Variants in HSD17B13 observed in about 807,000 individuals in gnomAD.
The protein encoded by HSD17B13 is hydroxysteroid 17-beta dehydrogenase 13.
In HSD17B13, 26 loss-of-function variants were observed where a neutral mutation model predicts 31.1. The observed-to-expected ratio is 0.84, with a 90% CI of 0.61 to 1.16. HSD17B13 has a LOEUF of 1.16. Among genes scored for constraint, HSD17B13 ranks in the 50% most tolerant of loss-of-function variants. The pLI is 0.00. For missense variants in HSD17B13, 374 were observed against 366.5 expected (o/e 1.02, Z -0.17); for synonymous variants, 141 against 133.7 (o/e 1.05, Z -0.38).
rs1553956168 is a variant in HSD17B13 at position 87,314,641 on chromosome 4, TCACACACACA to T, written c.558-691_558-682del. On this transcript the variant is annotated intron_variant, in intron 4 of 6. Transcript: ENST00000328546. Reference sequence around the variant, plus strand: ...GTCGTTTTCTCTCTCTCTCTCTCTCTCACACACACACACACACACACACACACACTTTCAT... The same window carrying T: ...GTCGTTTTCTCTCTCTCTCTCTCTCTCACACACACACACACACACTTTCAT... Among the ~76,000 whole-genome samples the T allele has an allele frequency of 1.2e-4, 17 of 142,254 alleles. No homozygotes were observed. In the East Asian group the frequency reaches 1.8e-3, roughly 15 times the overall value. 93.3% of individuals were successfully genotyped at this position (142,254 alleles called of 152,430 possible).
chr4:87,307,050 G>A (rs1328598645), intron 6 of HSD17B13, among the ~76,000 whole-genome samples: 1 of 151,958 alleles, frequency 6.6e-6, no homozygotes, highest in Non-Finnish European at 1.5e-5. Flanking sequence ...TTGTTTTGGG[G>A]GTAGGTGGGT....
intron 1 of HSD17B13, among the ~76,000 whole-genome samples, chr4:87,319,785 A>C (rs1234536562): frequency 2.0e-5 from 3 of 152,258 alleles, no homozygotes; most frequent in Admixed American, 2.0e-4. Flanking sequence ...CCATAACCAT[A>C]GGACATGGAG....
intron 1 of HSD17B13, among the ~76,000 whole-genome samples, chr4:87,318,779 CAGAGTG>C (rs1267691082): frequency 2.4e-5 from 3 of 125,018 alleles, no homozygotes; most frequent in Non-Finnish European, 4.8e-5. Context: ...GCCTGGGCAA[CAGAGTG>C]AGACTCTGTC....
At chr4:87,318,528 G>A (rs1015403609) in intron 1 of HSD17B13, 92 bp from the exon 2 acceptor site, 3 of 997,242 alleles carry the variant, frequency 3.0e-6, no homozygotes, top group Admixed American at 1.9e-5. Context: ...GGCTAGGCGC[G>A]GTGGCTCACG....
At chr4:87,314,056 T>G (rs991434382) in intron 4 of HSD17B13, 96 bp from the exon 5 acceptor site, 1 of 976,986 alleles carries the variant, frequency 1.0e-6, no homozygotes, top group African/African-American at 1.7e-5. Context: ...TAAGAACAAG[T>G]GGAAGCCAAA....
intron 3 of HSD17B13, among the ~76,000 whole-genome samples, chr4:87,316,773 A>C (rs1042294351): frequency 2.1e-4 from 32 of 152,208 alleles, no homozygotes; most frequent in African/African-American, 6.8e-4. Flanking sequence ...AAGTGACAGC[A>C]TTGAAAAGAT....
chr4:87,318,253 A>C (rs909065483), intron 2 of HSD17B13, 76 bp downstream of exon 2: 24 of 1,088,840 alleles, frequency 2.2e-5, no homozygotes, highest in Non-Finnish European at 3.4e-5. Flanking sequence ...GCAGTCATAA[A>C]GACCTTTCTC....
chr4:87,315,542 C>A lies in HSD17B13; in HGVS notation c.508G>T (p.Val170Leu), dbSNP rs1468932924. Residue 170 changes from valine (V) to leucine (L), a missense_variant, in exon 4 of 7, where the codon GTG becomes TTG. Transcript: ENST00000328546. ...CCTTCGTGGCCGCACACTGAAGCCA[C>A]TGTGACGATGTGGCCATGATTTCTC... ...MERNHGHIVT[V>L]ASVCGHEGIP... 2 of 1,612,112 alleles carry A rather than the reference C, an allele frequency of 1.2e-6. No homozygotes were observed. The highest frequency in any genetic ancestry group is 1.7e-6 in the Non-Finnish European group (2 of 1,178,500).
At chr4:87,313,984 G>A in intron 4 of HSD17B13, 24 bp from the exon 5 acceptor site, 2 of 1,508,926 alleles carry the variant, frequency 1.3e-6, no homozygotes, top group South Asian at 1.4e-5. Context: ...ATTAAGCATT[G>A]TTAGCTAAGG....
chr4:87,319,009 C>T (rs1436105252), intron 1 of HSD17B13, among the ~76,000 whole-genome samples: 1 of 151,792 alleles, frequency 6.6e-6, no homozygotes, highest in Non-Finnish European at 1.5e-5. Context: ...GGTGAAACCC[C>T]ATCTCTACTA....
At chr4:87,310,659 A>G (rs1465799061) in intron 5 of HSD17B13, among the ~76,000 whole-genome samples, 1 of 152,244 alleles carries the variant, frequency 6.6e-6, no homozygotes. Flanking sequence ...GACAAGAAAG[A>G]GGAATGGCTA....
intron 3 of HSD17B13, among the ~76,000 whole-genome samples, chr4:87,316,197 T>C (rs1362024925): frequency 6.6e-6 from 1 of 152,212 alleles, no homozygotes; most frequent in African/African-American, 2.4e-5. Context: ...ATAAATCCTA[T>C]GCAAATTCAT....
intron 5 of HSD17B13, among the ~76,000 whole-genome samples, chr4:87,311,503 G>T (rs1451112301): frequency 2.0e-5 from 3 of 152,046 alleles, no homozygotes; most frequent in African/African-American, 7.3e-5. Flanking sequence ...TTTAAGAGGG[G>T]CCCAAGGAGT....
rs748058364 is a variant in HSD17B13, at chr4:87,313,868, C to T, written c.650G>A (p.Cys217Tyr). Reference sequence around the variant, plus strand: ...GAACCCAGTATTCACAAAAACTGGGCAGAGACATGAGGTTTTGATACCAGT... The same window carrying T: ...GAACCCAGTATTCACAAAAACTGGGTAGAGACATGAGGTTTTGATACCAGT... ...GKTGIKTSCLCPVFVNTGFTK... is the reference protein window; with the variant it reads ...GKTGIKTSCLYPVFVNTGFTK... Residue 217 changes from cysteine to tyrosine, a missense_variant, in exon 5 of 7, where the codon TGC (cysteine) becomes TAC (tyrosine). Physicochemically the swap from Cys to Tyr is radical, Grantham distance 194 (BLOSUM62 -2). Transcript: ENST00000328546. 1 of 1,612,174 alleles carries T rather than the reference C, an allele frequency of 6.2e-7. No homozygotes were observed. The highest frequency in any genetic ancestry group is 8.5e-7 in the Non-Finnish European group (1 of 1,179,212).
intron 3 of HSD17B13, 87 bp downstream of exon 3, chr4:87,317,005 T>C (rs1213715032): frequency 2.2e-5 from 29 of 1,347,208 alleles, no homozygotes; most frequent in Non-Finnish European, 3.0e-5. Flanking sequence ...GCCAGTTTCC[T>C]GTCCAGAAGT....
At chr4:87,311,339 C>T (rs1022852487) in intron 5 of HSD17B13, among the ~76,000 whole-genome samples, 2 of 152,182 alleles carry the variant, frequency 1.3e-5, no homozygotes, top group Non-Finnish European at 2.9e-5. Flanking sequence ...TCCTAATAAA[C>T]TTGCTTTTGC....
In HSD17B13 at chr4:87,305,167, A is replaced by C. The variant is rs1158747202; in HGVS notation, c.*51T>G. 2.9e-5 allele frequency: 34 copies of C among 1,188,512 alleles called. No individual in the cohort carries two copies. Among genetic ancestry groups the C allele is most frequent in the Non-Finnish European group, 4.1e-5 (34 of 829,694 alleles). 73.6% of individuals were successfully genotyped at this position (1,188,512 alleles called of 1,614,324 possible). A position where few individuals can be genotyped will look rare whatever the true frequency, so the allele number is the denominator to read the frequency against. The stretch of plus-strand genomic sequence containing the variant: ...AATAAAGCTTTGCAGCATTGATTCG[A>C]AACTATTCATATCATTATCATGCAT... On this transcript the variant is annotated 3_prime_UTR_variant, in exon 7 of 7. Transcript: ENST00000328546.
chr4:87,318,854 T>C (rs1734719488), intron 1 of HSD17B13, among the ~76,000 whole-genome samples: 1 of 150,418 alleles, frequency 6.6e-6, no homozygotes, highest in African/African-American at 2.4e-5. Flanking sequence ...TTAACATTCA[T>C]TTTGGACATG....
Position 87,305,320 on chromosome 4 carries a change from A to T in HSD17B13, c.813-12T>A, listed in dbSNP as rs529074588. On this transcript the variant is annotated splice_polypyrimidine_tract_variant and intron_variant, in intron 6 of 6. Coordinates refer to ENST00000328546, the MANE Select transcript of HSD17B13 (RefSeq NM_178135.5). Reference sequence around the variant, plus strand: ...GTTCAGGAAGAAACCTGTACAAAAAAGAAAAAAAAATTGAAAAATTTTCCA... The same window carrying T: ...GTTCAGGAAGAAACCTGTACAAAAATGAAAAAAAAATTGAAAAATTTTCCA... The T allele has an allele frequency of 6.4e-6, 10 of 1,559,628 alleles. No individual in the cohort carries two copies. The South Asian group carries it at 8.4e-5, about 13-fold the overall frequency.
Sources: allele counts gnomAD v4.1 joint callset (sites outside exome capture counted in the v4.1 genomes callset), GRCh38; gene constraint gnomAD v4.1.1; transcripts MANE v1.5; gene names NCBI Gene and HGNC (gene_info 2026-07-23, HGNC 2026-07-21).